Variants in FAM110C observed in about 807,000 individuals in gnomAD.
The protein encoded by FAM110C is family with sequence similarity 110 member C, also known as protein FAM110C.
In FAM110C, 19 loss-of-function variants were observed where a neutral mutation model predicts 15.7. The ratio of observed to expected loss-of-function variants is 1.21; its 90% CI spans 0.85 to 1.78. FAM110C has a LOEUF of 1.78. Ranked by LOEUF, FAM110C falls within the 40% of genes most tolerant of loss-of-function variation. The pLI is 0.00. For synonymous variants in FAM110C, 275 were observed against 233.9 expected, an observed-to-expected ratio of 1.18 and a Z score of -1.61; for missense variants, 547 against 495.7, an observed-to-expected ratio of 1.10 and a Z score of -0.98.
chr2:42,418 C>T (rs769758842), intron 1 of FAM110C: 57 of 654,708 alleles, frequency 8.7e-5, no homozygotes, highest in Middle Eastern at 7.7e-4. Context: ...ATATATTCTA[C>T]GCAAAACAGA....
chr2:39,951 T>C lies in FAM110C; in HGVS notation c.*1657A>G, dbSNP rs1233440690. On this transcript the variant is annotated 3_prime_UTR_variant, in exon 2 of 2. Transcript: ENST00000327669. ...AATAGCAGCATTTTTAGAGCAACCATTGGGGAAAATTCTTAGATCAGGGGA... is the reference window on the plus strand; with the variant it reads ...AATAGCAGCATTTTTAGAGCAACCACTGGGGAAAATTCTTAGATCAGGGGA... 6.6e-6 allele frequency: 1 copy of C among 152,162 alleles called. No individual in the cohort carries two copies. The highest frequency in any genetic ancestry group is 1.5e-5 in the Non-Finnish European group (1 of 68,034). 9.4% of individuals were successfully genotyped at this position (152,162 alleles called of 1,614,324 possible). A position where few individuals can be genotyped will look rare whatever the true frequency, so the allele number is the denominator to read the frequency against.
At chr2:41,876 A>G (rs1664134399) in intron 1 of FAM110C, 1 of 985,288 alleles carries the variant, frequency 1.0e-6, no homozygotes, top group Non-Finnish European at 1.2e-6. Context: ...GCGCTTTAAA[A>G]ATTTCTCTTT....
In FAM110C at chr2:46,048, G is replaced by A. The variant is rs759370474; in HGVS notation, c.338C>T (p.Ser113Leu). 11 of 1,524,598 alleles carry A rather than the reference G, an allele frequency of 7.2e-6. No homozygotes were observed. In the South Asian group the frequency reaches 1.1e-4, roughly 15 times the overall value. The allele number at this position is 1,524,598 out of a possible 1,614,324, so 94.4% of individuals were successfully genotyped here. Residue 113 changes from serine to leucine, a missense_variant, in exon 1 of 2, where the codon TCG (serine) becomes TTG (leucine). Coordinates refer to ENST00000327669, the MANE Select transcript of FAM110C (RefSeq NM_001077710.3). ...YRQKCEFVRG[S>L]GADGPRASLV... ...GCTTGCCCTGGGGCCGTCGGCGCCC[G>A]ATCCTCGCACGAATTCGCATTTCTG...
At position 45,496 on chromosome 2, in the gene FAM110C, A is replaced by G. The variant is rs1226890043; in HGVS notation, c.890T>C (p.Leu297Pro). 2 of 1,613,952 alleles carry G rather than the reference A, an allele frequency of 1.2e-6. No individual in the cohort carries two copies. Among genetic ancestry groups the G allele is most frequent in the Non-Finnish European group, 1.7e-6 (2 of 1,180,000 alleles). Residue 297 changes from leucine to proline, a missense_variant, in exon 1 of 2, where the codon CTG (leucine) becomes CCG (proline). Leu to Pro is a moderately conservative substitution (Grantham distance 98, BLOSUM62 -3). Transcript: ENST00000327669. ...IERNARIIKW[L>P]YTCKKAKETP... ...CTCCTTGGCCTTCTTACAGGTGTAC[A>G]GCCACTTGATGATGCGGGCGTTCCT...
chr2:42,715 T>C (rs1166762428), intron 1 of FAM110C: 3 of 513,270 alleles, frequency 5.8e-6, no homozygotes, highest in Non-Finnish European at 7.5e-6. Flanking sequence ...CTATTATAAT[T>C]GAGACACTTT....
rs1454647986 is a variant in FAM110C at position 40,464 on chromosome 2, T to C, written c.*1144A>G. On this transcript the variant is annotated 3_prime_UTR_variant, in exon 2 of 2. Transcript: ENST00000327669. Reference sequence around the variant, plus strand: ...AGAATTGGCTGGGTAACAAATTTTCTTTGGGTTATTTCTCAGAAGGTTCTG... The same window carrying C: ...AGAATTGGCTGGGTAACAAATTTTCCTTGGGTTATTTCTCAGAAGGTTCTG... 6.6e-6 allele frequency: 1 copy of C among 152,196 alleles called. No homozygotes were observed. Among genetic ancestry groups the C allele is most frequent in the Non-Finnish European group, 1.5e-5 (1 of 68,036 alleles). 9.4% of individuals were successfully genotyped at this position (152,196 alleles called of 1,614,324 possible).
Position 42,057 on chromosome 2 carries a change from C to T in FAM110C, c.947-430G>A, listed in dbSNP as rs556860511. On this transcript the variant is annotated intron_variant, in intron 1 of 1. Transcript: ENST00000327669. Reference sequence around the variant, plus strand: ...TCAAACACCAATATCTCTTAAAGGCCCAGGCGCGGGTCACACGACAGGGAA... The same window carrying T: ...TCAAACACCAATATCTCTTAAAGGCTCAGGCGCGGGTCACACGACAGGGAA... 411 of 985,350 alleles carry T rather than the reference C, an allele frequency of 4.2e-4. 1 individual carries two copies. In the South Asian group the frequency reaches 0.017, roughly 40 times the overall value. The allele number at this position is 985,350 out of a possible 1,614,324, so 61.0% of individuals were successfully genotyped here.
chr2:46,283 TCCTGCGCGCCGG>T lies in FAM110C; in HGVS notation c.91_102del (p.Pro31_Arg34del). On this transcript the variant is annotated inframe_deletion, in exon 1 of 2. Coordinates refer to ENST00000327669, the MANE Select transcript of FAM110C (RefSeq NM_001077710.3). ...TCCGCCGCCAGCCTCTCCACTGCGC[TCCTGCGCGCCGG>T]CCGCGCGGCGTCGGGGTCCCGGGTA... The T allele has an allele frequency of 7.4e-7, 1 of 1,360,220 alleles. No homozygotes were observed. Among genetic ancestry groups the T allele is most frequent in the Non-Finnish European group, 9.4e-7 (1 of 1,060,026 alleles). The allele number at this position is 1,360,220 out of a possible 1,614,324, so 84.3% of individuals were successfully genotyped here.
rs1211048061 is a variant in FAM110C at position 40,499 on chromosome 2, C to G, written c.*1109G>C. 6.6e-6 allele frequency: 1 copy of G among 152,194 alleles called. No homozygotes were observed. The highest frequency in any genetic ancestry group is 1.5e-5 in the Non-Finnish European group (1 of 68,040). 9.4% of individuals were successfully genotyped at this position (152,194 alleles called of 1,614,324 possible). ...TTCTCAGAAGGTTCTGAATCTGAAT[C>G]TATTCACTCTGGGTGTCATAAGCAA... On this transcript the variant is annotated 3_prime_UTR_variant, in exon 2 of 2. Transcript: ENST00000327669.
In FAM110C at chr2:45,668, C is replaced by A. The variant is rs1572064145; in HGVS notation, c.718G>T (p.Gly240Trp). 2.5e-6 allele frequency: 4 copies of A among 1,608,944 alleles called. No homozygotes were observed. The highest frequency in any genetic ancestry group is 3.3e-4 in the Middle Eastern group (2 of 6,058). Residue 240 changes from glycine (G) to tryptophan (W), a missense_variant, in exon 1 of 2, where the codon GGG becomes TGG. Gly to Trp is a radical substitution (Grantham distance 184, BLOSUM62 -2). Coordinates refer to ENST00000327669, the MANE Select transcript of FAM110C (RefSeq NM_001077710.3). ...EALGRENFTA[G>W]SDCVTLKVRS... ...ACCTTGAGGGTCACACAGTCCGACC[C>A]CGCGGTGAAGTTCTCCCTCCCCAGG... is the stretch of plus-strand genomic sequence containing the variant.
At chr2:41,930 G>A in intron 1 of FAM110C, 1 of 985,342 alleles carries the variant, frequency 1.0e-6, no homozygotes, top group Non-Finnish European at 1.2e-6. Flanking sequence ...TTCTTTACAT[G>A]TTGGTAAGGC....
intron 1 of FAM110C, chr2:44,234 T>C (rs1664213307): frequency 5.1e-6 from 5 of 985,078 alleles, no homozygotes; most frequent in Admixed American, 6.1e-5. Flanking sequence ...ACAAATCTTC[T>C]ATAAATTATA....
intron 1 of FAM110C, chr2:43,068 A>C (rs1343090929): frequency 1.0e-6 from 1 of 985,406 alleles, no homozygotes; most frequent in Admixed American, 6.1e-5. Flanking sequence ...TGAAGGGGCT[A>C]AGGTCATGAG....
chr2:42,168 G>C (rs1262581685), intron 1 of FAM110C: 1 of 985,278 alleles, frequency 1.0e-6, no homozygotes, highest in Admixed American at 6.2e-5. Context: ...AAAGAAGAAA[G>C]GAAAAGAAAG....
At chr2:45,244 T>C (rs1363128381) in intron 1 of FAM110C, 196 bp downstream of exon 1, 7 of 985,328 alleles carry the variant, frequency 7.1e-6, no homozygotes. Flanking sequence ...CCTGGATTGG[T>C]ACCTTCTGCT....
intron 1 of FAM110C, chr2:44,055 A>G (rs192645863): frequency 2.0e-6 from 2 of 985,360 alleles, no homozygotes; most frequent in East Asian, 1.1e-4. Context: ...GGACCTGGCC[A>G]CTCTCCAAAG....
rs1418423333 is a variant in FAM110C, at chr2:46,226, T to C, written c.160A>G (p.Thr54Ala). ...CCCTCGGAAGCGACGCCCCGGCCAG[T>C]CCCCGGCCGACCCCGCACATACTTG... ...RAKYVRGRPG[T>A]GRGVASEGSG... Residue 54 changes from threonine to alanine, a missense_variant, in exon 1 of 2, where the codon ACT becomes GCT. Transcript: ENST00000327669. 2.9e-6 allele frequency: 4 copies of C among 1,394,970 alleles called. No homozygotes were observed. Among genetic ancestry groups the C allele is most frequent in the Non-Finnish European group, 3.7e-6 (4 of 1,078,070 alleles). The allele number at this position is 1,394,970 out of a possible 1,614,324, so 86.4% of individuals were successfully genotyped here. A position where few individuals can be genotyped will look rare whatever the true frequency, so the allele number is the denominator to read the frequency against.
In FAM110C at chr2:45,471, C is replaced by T. The variant is rs753671590; in HGVS notation, c.915G>A (p.Glu305=). ...KWLYTCKKAK[E]TPSQEQSRTR... is the part of the protein sequence containing the mutation. ...TCCGGCTCTGCTCCTGGCTGGGGGT[C>T]TCCTTGGCCTTCTTACAGGTGTACA... is the stretch of plus-strand genomic sequence containing the variant. The change falls in exon 1 of 2, where the codon GAG becomes GAA. Residue 305 remains glutamate (E), a synonymous_variant. Coordinates refer to ENST00000327669, the MANE Select transcript of FAM110C (RefSeq NM_001077710.3). 8 of 1,613,364 alleles carry T rather than the reference C, an allele frequency of 5.0e-6. No homozygotes were observed. Among genetic ancestry groups the T allele is most frequent in the Non-Finnish European group, 6.8e-6 (8 of 1,179,496 alleles).
At chr2:45,021 G>C in intron 1 of FAM110C, 1 of 985,298 alleles carries the variant, frequency 1.0e-6, no homozygotes, top group South Asian at 4.7e-5. Flanking sequence ...CATCAGGACC[G>C]CCCACAGCAC....
Sources: allele counts gnomAD v4.1 joint callset, GRCh38; gene constraint gnomAD v4.1.1; transcripts MANE v1.5; gene names NCBI Gene and HGNC (gene_info 2026-07-23, HGNC 2026-07-21).